The following SFMBT2 variants were observed in gnomAD, a reference collection of about 807,000 sequenced individuals.
SFMBT2 encodes the protein Scm like with four mbt domains 2, also known as scm-like with four MBT domains protein 2.
SFMBT2 carries 38 observed loss-of-function variants against 110.1 expected under a neutral mutation model. That is an observed-to-expected ratio of 0.35 (90% CI 0.27 to 0.45). The LOEUF (loss-of-function observed/expected upper bound fraction) is 0.45. SFMBT2 is among the 20% of genes least tolerant of loss of function. The probability of loss-of-function intolerance (pLI) is 1.00; values close to 1 mark genes in which losing one functional copy is unlikely to be tolerated. For missense variants in SFMBT2, 1,011 were observed against 1,094.9 expected (o/e 0.92, Z 1.08); for synonymous variants, 425 against 425.4 (o/e 1.00, Z 0.01).
chr10:7,223,468 G>T (rs1310137556), intron 10 of SFMBT2, among the ~76,000 whole-genome samples: 1 of 151,744 alleles, frequency 6.6e-6, no homozygotes, highest in African/African-American at 2.4e-5. Flanking sequence ...CACCTCTTTT[G>T]GGTCTTCAAT....
chr10:7,353,862 G>T (rs1844409059), intron 4 of SFMBT2, among the ~76,000 whole-genome samples: 2 of 152,116 alleles, frequency 1.3e-5, no homozygotes, highest in South Asian at 4.1e-4. Flanking sequence ...GAGGTAGGCG[G>T]ATCACCTGAG....
intron 7 of SFMBT2, among the ~76,000 whole-genome samples, chr10:7,260,764 A>G (rs760982941): frequency 1.3e-5 from 2 of 151,916 alleles, no homozygotes; most frequent in Non-Finnish European, 2.9e-5. Flanking sequence ...CAATAAAAAA[A>G]TCATCCTGGC....
rs1297334155 is a variant in SFMBT2 at position 7,301,993 on chromosome 10, T to A, written c.437-16039A>T. Reference sequence around the variant, plus strand: ...ACTGGGGGAAGCACAGAGACCGTCATAAGCCTCAATATGGTCCCAGTCATA... The same window carrying A: ...ACTGGGGGAAGCACAGAGACCGTCAAAAGCCTCAATATGGTCCCAGTCATA... On this transcript the variant is annotated intron_variant, in intron 4 of 20. Transcript: ENST00000397167. The surrounding 1 kb of genome is among the most constrained non-coding windows in gnomAD (Gnocchi z 4.2). 6.6e-6 allele frequency among the ~76,000 whole-genome samples: 1 copy of A among 152,084 alleles called. No individual in the cohort carries two copies. The highest frequency in any genetic ancestry group is 1.9e-4 in the East Asian group (1 of 5,178).
Position 7,381,968 on chromosome 10 carries a change from A to C in SFMBT2, c.-51-19T>G. On this transcript the variant is annotated intron_variant, in intron 1 of 20. Transcript: ENST00000397167. Reference sequence around the variant, plus strand: ...AAATTACCTAAGAGCAATCAAAAAAAAAAAAATCAGAGCAGTTTAATCATA... The same window carrying C: ...AAATTACCTAAGAGCAATCAAAAAACAAAAAATCAGAGCAGTTTAATCATA... The C allele has an allele frequency of 7.0e-7, 1 of 1,427,930 alleles. No homozygotes were observed. Among genetic ancestry groups the C allele is most frequent in the Non-Finnish European group, 9.4e-7 (1 of 1,068,730 alleles). 88.5% of individuals were successfully genotyped at this position (1,427,930 alleles called of 1,614,324 possible).
chr10:7,290,312 T>C (rs1328371921), intron 4 of SFMBT2, among the ~76,000 whole-genome samples: 2 of 152,076 alleles, frequency 1.3e-5, no homozygotes, highest in Admixed American at 1.3e-4. Flanking sequence ...GAACATTTTT[T>C]CAAGGTTTTA....
intron 1 of SFMBT2, chr10:7,409,468 A>G (rs1279646548): frequency 6.6e-6 from 1 of 152,090 alleles, no homozygotes; most frequent in East Asian, 1.9e-4. Flanking sequence ...GCACACACAC[A>G]TTCGGGGTGG....
intron 10 of SFMBT2, among the ~76,000 whole-genome samples, chr10:7,222,252 G>A (rs779812362): frequency 2.0e-5 from 3 of 152,184 alleles, no homozygotes; most frequent in African/African-American, 2.4e-5. Flanking sequence ...ACCAGTTAAA[G>A]GACATTTGAG....
chr10:7,271,036 G>A (rs1841561156), intron 7 of SFMBT2, among the ~76,000 whole-genome samples: 1 of 152,142 alleles, frequency 6.6e-6, no homozygotes, highest in Admixed American at 6.5e-5. Flanking sequence ...TATAAATCCA[G>A]CACTTTGGGA....
Position 7,170,838 on chromosome 10 carries a change from G to T in SFMBT2, c.2544+90C>A, listed in dbSNP as rs1837853548. ...GCAGCGCCGAAGAACCCCCTCGCAG[G>T]TGTCACGAGGAAGCCGGCTAGGACA... On this transcript the variant is annotated intron_variant, in intron 20 of 20. Coordinates refer to ENST00000397167, the MANE Select transcript of SFMBT2 (RefSeq NM_001387889.1). This position sits in a 1 kb window ranked among gnomAD's most constrained non-coding sequence, Gnocchi z 4.6. 37 of 1,503,210 alleles carry T rather than the reference G, an allele frequency of 2.5e-5. No individual in the cohort carries two copies. In the South Asian group the frequency reaches 4.1e-4, roughly 16 times the overall value. 93.1% of individuals were successfully genotyped at this position (1,503,210 alleles called of 1,614,324 possible).
chr10:7,367,502 C>T lies in SFMBT2; in HGVS notation c.436+147G>A. On this transcript the variant is annotated intron_variant, in intron 4 of 20. Transcript: ENST00000397167. The surrounding 1 kb of genome is among the most constrained non-coding windows in gnomAD (Gnocchi z 6.2). ...ACTGATCTCCCTCCAGCTAAGGAAA[C>T]CTGAGAAACCACTCTGAAAGAACTG... 1.5e-6 allele frequency: 2 copies of T among 1,345,562 alleles called. No homozygotes were observed. Among genetic ancestry groups the T allele is most frequent in the East Asian group, 4.9e-5 (2 of 40,414 alleles). 83.4% of individuals were successfully genotyped at this position (1,345,562 alleles called of 1,614,324 possible).
intron 4 of SFMBT2, among the ~76,000 whole-genome samples, chr10:7,315,108 G>GAAAGAAAGA: frequency 7.5e-6 from 1 of 132,848 alleles, no homozygotes; most frequent in African/African-American, 2.7e-5. Flanking sequence ...AAGAAAGAAA[G>GAAAGAAAGA]AAAAAGCAAG....
At position 7,411,007 on chromosome 10, in the gene SFMBT2, C is replaced by A. The variant is rs1846365052; in HGVS notation, c.-198G>T. Among the ~76,000 whole-genome samples, 1 of 150,122 alleles carries A rather than the reference C, an allele frequency of 6.7e-6. No homozygotes were observed. The highest frequency in any genetic ancestry group is 2.4e-5 in the African/African-American group (1 of 40,968). Reference sequence around the variant, plus strand: ...CCCTCGCGCGCCCGCTCCGGTCCTCCGGCTCCCACTACAGCTCATTCCAAT... The same window carrying A: ...CCCTCGCGCGCCCGCTCCGGTCCTCAGGCTCCCACTACAGCTCATTCCAAT... On this transcript the variant is annotated 5_prime_UTR_variant, in exon 1 of 21. Coordinates refer to ENST00000397167, the MANE Select transcript of SFMBT2 (RefSeq NM_001387889.1).
At chr10:7,331,905 G>A (rs1843569248) in intron 4 of SFMBT2, among the ~76,000 whole-genome samples, 1 of 151,656 alleles carries the variant, frequency 6.6e-6, no homozygotes, top group Non-Finnish European at 1.5e-5. Context: ...AGCAACTCAG[G>A]AGGCTGAGGC....
At chr10:7,197,811 G>A in intron 14 of SFMBT2, 124 bp from the exon 15 acceptor site, 1 of 1,333,140 alleles carries the variant, frequency 7.5e-7, no homozygotes, top group Non-Finnish European at 9.8e-7. Flanking sequence ...CGAGGTCTTG[G>A]CTGATGGGGA....
intron 16 of SFMBT2, among the ~76,000 whole-genome samples, chr10:7,180,695 G>C (rs779025763): frequency 5.9e-5 from 9 of 152,150 alleles, no homozygotes; most frequent in Admixed American, 2.6e-4. Context: ...AACCCATCTG[G>C]GAGGAACCCA....
chr10:7,356,078 G>C (rs541618933), intron 4 of SFMBT2, among the ~76,000 whole-genome samples: 1 of 152,184 alleles, frequency 6.6e-6, no homozygotes. Flanking sequence ...AAGAGATGCA[G>C]AGAATTTCTC....
intron 2 of SFMBT2, among the ~76,000 whole-genome samples, chr10:7,380,537 T>C (rs1323399665): frequency 6.6e-6 from 1 of 152,238 alleles, no homozygotes; most frequent in East Asian, 1.9e-4. Context: ...CATGGTCAAG[T>C]GACCTGCTAA....
chr10:7,295,666 C>G (rs756246037), intron 4 of SFMBT2, among the ~76,000 whole-genome samples: 1 of 152,166 alleles, frequency 6.6e-6, no homozygotes, highest in Non-Finnish European at 1.5e-5. Flanking sequence ...TTTGTAACTG[C>G]TTACATAAGT....
chr10:7,390,148 G>T (rs559433514), intron 1 of SFMBT2, among the ~76,000 whole-genome samples: 6 of 152,116 alleles, frequency 3.9e-5, no homozygotes, highest in African/African-American at 1.2e-4. Context: ...CACTGGAAGC[G>T]TATCTAGTAC....
Sources: allele counts gnomAD v4.1 joint callset (sites outside exome capture counted in the v4.1 genomes callset), GRCh38; gene constraint gnomAD v4.1.1; non-coding constraint Gnocchi (gnomAD v3.1); transcripts MANE v1.5; gene names NCBI Gene and HGNC (gene_info 2026-07-23, HGNC 2026-07-21).